The following KCNG3 variants were observed in gnomAD, a reference collection of about 807,000 sequenced individuals.
KCNG3 encodes the protein voltage-gated potassium channel regulatory subunit KCNG3.
KCNG3 carries 15 observed loss-of-function variants against 29.0 expected under a neutral mutation model. The observed-to-expected ratio is 0.52, with a 90% CI of 0.35 to 0.80. The LOEUF (loss-of-function observed/expected upper bound fraction) is 0.80, where lower values mean the gene tolerates loss of function less well. Among genes scored for constraint, KCNG3 ranks in the 30% least tolerant of loss-of-function variants. The pLI is 0.01. For missense variants in KCNG3, 512 were observed against 605.7 expected (o/e 0.85, Z 1.62); for synonymous variants, 322 against 248.9 (o/e 1.29, Z -2.76).
chr2:42,456,596 GT>G (rs1442339716), intron 1 of KCNG3, among the ~76,000 whole-genome samples: 2 of 152,122 alleles, frequency 1.3e-5, no homozygotes, highest in African/African-American at 4.8e-5. Flanking sequence ...TACAAAAGGA[GT>G]TCAGTTCAAG....
chr2:42,482,395 CAGAG>C (rs1462446937), intron 1 of KCNG3, among the ~76,000 whole-genome samples: 1 of 152,110 alleles, frequency 6.6e-6, no homozygotes, highest in South Asian at 2.1e-4. Flanking sequence ...AATGGAAACA[CAGAG>C]AGACTCTGTC....
At chr2:42,406,619 G>A in the KCNG3 span, among the ~76,000 whole-genome samples, 1 of 150,834 alleles carries the variant, frequency 6.6e-6, no homozygotes, top group Non-Finnish European at 1.5e-5. Flanking sequence ...AAGGTCAGGA[G>A]TTCGAGACCA....
At chr2:42,449,514 CTTT>C (rs36088470) in intron 1 of KCNG3, among the ~76,000 whole-genome samples, 1,385 of 99,460 alleles carry the variant, frequency 0.014, 14 homozygotes, top group African/African-American at 0.047. Flanking sequence ...ACTGAGATTT[CTTT>C]TTTTTTTTTT....
chr2:42,477,254 A>C (rs1673450749), intron 1 of KCNG3, among the ~76,000 whole-genome samples: 1 of 151,560 alleles, frequency 6.6e-6, no homozygotes, highest in South Asian at 2.1e-4. Flanking sequence ...AAAGGTTTCC[A>C]GTGACTGCTA....
downstream of KCNG3, among the ~76,000 whole-genome samples, chr2:42,438,231 T>C (rs537609159): frequency 6.6e-5 from 10 of 152,248 alleles, no homozygotes; most frequent in South Asian, 4.1e-4. Context: ...CTGTGTAACA[T>C]AGGGAGACCC....
chr2:42,480,154 A>C (rs2103727037), intron 1 of KCNG3, among the ~76,000 whole-genome samples: 1 of 152,370 alleles, frequency 6.6e-6, no homozygotes, highest in Admixed American at 6.5e-5. Flanking sequence ...ATTATTGTTT[A>C]GTACTTTGGG....
the KCNG3 span, among the ~76,000 whole-genome samples, chr2:42,391,338 T>C: frequency 2.6e-5 from 4 of 152,310 alleles, no homozygotes. Context: ...GTGACCTACC[T>C]GGTTCAACAC....
intron 1 of KCNG3, among the ~76,000 whole-genome samples, chr2:42,489,829 T>A (rs543254959): frequency 5.3e-5 from 8 of 152,282 alleles, no homozygotes; most frequent in African/African-American, 1.9e-4. Flanking sequence ...GCCCTTCCAA[T>A]GCCCTGGATT....
chr2:42,472,272 T>A (rs1022323261), intron 1 of KCNG3, among the ~76,000 whole-genome samples: 25 of 152,204 alleles, frequency 1.6e-4, no homozygotes, highest in Non-Finnish European at 3.5e-4. Context: ...GCTACAGCCA[T>A]AGAAATCAAA....
At chr2:42,420,569 C>A in the KCNG3 span, among the ~76,000 whole-genome samples, 1 of 152,114 alleles carries the variant, frequency 6.6e-6, no homozygotes, top group African/African-American at 2.4e-5. Context: ...GCAGGTGGAT[C>A]ACCTGAAGTC....
At chr2:42,431,936 G>A in the KCNG3 span, among the ~76,000 whole-genome samples, 4 of 152,078 alleles carry the variant, frequency 2.6e-5, no homozygotes, top group East Asian at 5.8e-4. Context: ...CTACTCGGGA[G>A]GCTGAGGCAG....
chr2:42,449,002 C>T (rs917172645), intron 1 of KCNG3, among the ~76,000 whole-genome samples: 8 of 151,660 alleles, frequency 5.3e-5, no homozygotes, highest in Non-Finnish European at 1.2e-4. Flanking sequence ...AACAAAAAAA[C>T]ATGCTTATAC....
chr2:42,459,267 C>A (rs536081974), intron 1 of KCNG3, among the ~76,000 whole-genome samples: 1 of 152,006 alleles, frequency 6.6e-6, no homozygotes, highest in East Asian at 1.9e-4. Context: ...CCCCCAGATA[C>A]CCAGCCCCAT....
chr2:42,459,464 G>A (rs1672963008), intron 1 of KCNG3, among the ~76,000 whole-genome samples: 1 of 152,210 alleles, frequency 6.6e-6, no homozygotes, highest in African/African-American at 2.4e-5. Flanking sequence ...GTCTGAGTCT[G>A]TTGAGACAGG....
the KCNG3 span, among the ~76,000 whole-genome samples, chr2:42,423,314 C>T: frequency 1.3e-5 from 2 of 152,356 alleles, no homozygotes; most frequent in East Asian, 3.9e-4. Context: ...ACCCTTGACA[C>T]AGTTGACAGA....
chr2:42,490,238 G>A (rs1439261716), intron 1 of KCNG3, among the ~76,000 whole-genome samples: 1 of 151,912 alleles, frequency 6.6e-6, no homozygotes, highest in Non-Finnish European at 1.5e-5. Context: ...TCCCAGGCAG[G>A]GCACATATGG....
chr2:42,428,211 G>A, the KCNG3 span, among the ~76,000 whole-genome samples: 2 of 151,256 alleles, frequency 1.3e-5, no homozygotes, highest in East Asian at 3.9e-4. Context: ...TGTAATCCCA[G>A]CACTTTGGGA....
intron 1 of KCNG3, among the ~76,000 whole-genome samples, chr2:42,475,513 A>G (rs1343232521): frequency 6.6e-6 from 1 of 151,562 alleles, no homozygotes; most frequent in African/African-American, 2.4e-5. Flanking sequence ...ATTTTTTTGT[A>G]GACACGGGAT....
the KCNG3 span, among the ~76,000 whole-genome samples, chr2:42,392,686 T>A: frequency 5.3e-5 from 8 of 151,534 alleles, no homozygotes; most frequent in Non-Finnish European, 2.9e-5. Flanking sequence ...GAAATGTAAA[T>A]ATATATGGGA....
Sources: gnomAD v4.1 joint callset for allele counts (sites outside exome capture counted in the v4.1 genomes callset) on GRCh38, gnomAD v4.1.1 for gene constraint, MANE v1.5 for transcripts, NCBI Gene and HGNC (gene_info 2026-07-23, HGNC 2026-07-21) for gene names.